The following PIK3R1 variants were observed in gnomAD, a reference collection of about 807,000 sequenced individuals.
The protein encoded by PIK3R1 is phosphoinositide-3-kinase regulatory subunit 1.
Under a neutral mutation model 98.0 loss-of-function variants are expected in PIK3R1, and 29 were observed. The observed-to-expected ratio is 0.30, with a 90% CI of 0.22 to 0.40. PIK3R1 has a LOEUF of 0.40. Ranked by LOEUF, PIK3R1 falls within the 10% of genes least tolerant of loss-of-function variation. PIK3R1 has a pLI of 1.00. For missense variants in PIK3R1, 596 were observed against 872.7 expected, an observed-to-expected ratio of 0.68 and a Z score of 3.99; for synonymous variants, 282 against 311.8, an observed-to-expected ratio of 0.90 and a Z score of 1.01.
chr5:68,288,675 G>A (rs577876337), intron 7 of PIK3R1: 3 of 1,611,020 alleles, frequency 1.9e-6, no homozygotes, highest in African/African-American at 2.7e-5. Flanking sequence ...TGGAAGAACA[G>A]CTTTGGGGAT....
chr5:68,266,660 A>G (rs1034410619), intron 2 of PIK3R1, among the ~76,000 whole-genome samples: 2 of 152,182 alleles, frequency 1.3e-5, no homozygotes, highest in African/African-American at 2.4e-5. Context: ...GTGTTGGGAA[A>G]CTTACTATAA....
intron 2 of PIK3R1, among the ~76,000 whole-genome samples, chr5:68,267,769 TGTG>T (rs3049952): frequency 0.33 from 50,204 of 151,828 alleles, 9,807 homozygotes; most frequent in African/African-American, 0.56. Context: ...ATATTAGTAT[TGTG>T]GTCCTTTTGG....
chr5:68,280,280 A>C (rs1187037994), intron 5 of PIK3R1: 1 of 529,560 alleles, frequency 1.9e-6, no homozygotes, highest in African/African-American at 1.9e-5. Context: ...TGCTGCCAGC[A>C]CACCCTGAAC....
At position 68,298,911 on chromosome 5, in the gene PIK3R1, G is replaced by A; in HGVS notation, c.*1310G>A. On this transcript the variant is annotated 3_prime_UTR_variant, in exon 16 of 16. Transcript: ENST00000521381. ...AGGGATGTATCAAGTGGGGTGGTGGGAGGGGGAGGCAAGGTTATATGCACT... is the reference window on the plus strand; with the variant it reads ...AGGGATGTATCAAGTGGGGTGGTGGAAGGGGGAGGCAAGGTTATATGCACT... The A allele has an allele frequency of 4.3e-6, 1 of 232,522 alleles. No homozygotes were observed. The highest frequency in any genetic ancestry group is 2.2e-5 in the African/African-American group (1 of 45,242). The allele number at this position is 232,522 out of a possible 1,614,324, so 14.4% of individuals were successfully genotyped here.
At chr5:68,230,672 T>C (rs1161625348) in intron 2 of PIK3R1, among the ~76,000 whole-genome samples, 2 of 152,194 alleles carry the variant, frequency 1.3e-5, no homozygotes, top group Non-Finnish European at 2.9e-5. Flanking sequence ...TGATAGTACC[T>C]TCAGTCACTT....
At position 68,226,542 on chromosome 5, in the gene PIK3R1, G is replaced by A; in HGVS notation, c.-134G>A. 1 of 689,472 alleles carries A rather than the reference G, an allele frequency of 1.5e-6. No homozygotes were observed. Among genetic ancestry groups the A allele is most frequent in the Non-Finnish European group, 2.4e-6 (1 of 410,938 alleles). The allele number at this position is 689,472 out of a possible 1,614,324, so 42.7% of individuals were successfully genotyped here. ...ACCTCTCCTCTTAAACCTTTGGAGA[G>A]TGGTCCTTTGTCCTCTGCTGGACAC... On this transcript the variant is annotated 5_prime_UTR_variant, in exon 2 of 16. The change creates a new upstream start codon in the 5' untranslated region. Transcript: ENST00000521381.
At chr5:68,251,793 G>A (rs1488627998) in intron 2 of PIK3R1, among the ~76,000 whole-genome samples, 2 of 152,192 alleles carry the variant, frequency 1.3e-5, no homozygotes, top group Non-Finnish European at 2.9e-5. Context: ...AAATCACACA[G>A]TTGACTGCAT....
intron 6 of PIK3R1, 28 bp from the exon 7 acceptor site, chr5:68,280,899 G>A: frequency 6.7e-7 from 1 of 1,487,306 alleles, no homozygotes; most frequent in Non-Finnish European, 9.2e-7. Flanking sequence ...TTAGGGAAAA[G>A]GTTTCTAATA....
intron 2 of PIK3R1, among the ~76,000 whole-genome samples, chr5:68,259,814 C>T (rs1745666641): frequency 6.6e-6 from 1 of 152,110 alleles, no homozygotes; most frequent in African/African-American, 2.4e-5. Context: ...CCCTATGGGA[C>T]CTCATGGGAT....
At chr5:68,295,819 CTTTG>C (rs1368928540) in intron 14 of PIK3R1, 1 of 455,194 alleles carries the variant, frequency 2.2e-6, no homozygotes, top group African/African-American at 1.9e-5. Flanking sequence ...TAAGTATATA[CTTTG>C]TTTGAATTAG....
At chr5:68,292,763 G>A in intron 8 of PIK3R1, 1 of 1,264,638 alleles carries the variant, frequency 7.9e-7, no homozygotes, top group Non-Finnish European at 1.0e-6. Context: ...ATGAGTTTCT[G>A]TGCTCATTTG....
intron 2 of PIK3R1, among the ~76,000 whole-genome samples, chr5:68,235,401 AAAATAAATAAATAAATAAATAAAT>A (rs145734363): frequency 6.9e-6 from 1 of 145,322 alleles, no homozygotes; most frequent in Non-Finnish European, 1.5e-5. Context: ...AAAGTGTCTC[AAAATAAATAAATAAATAAATAAAT>A]AAATAAATAA....
At chr5:68,234,864 C>T (rs79497469) in intron 2 of PIK3R1, among the ~76,000 whole-genome samples, 2,359 of 152,256 alleles carry the variant, frequency 0.015, 68 homozygotes, top group African/African-American at 0.054. Context: ...GGGGTTGTCA[C>T]TGTCATCTTC....
In PIK3R1 at chr5:68,298,148, A is replaced by T. The variant is rs1405142337; in HGVS notation, c.*547A>T. 4.3e-6 allele frequency: 1 copy of T among 231,488 alleles called. No homozygotes were observed. Among genetic ancestry groups the T allele is most frequent in the African/African-American group, 2.2e-5 (1 of 45,244 alleles). The allele number at this position is 231,488 out of a possible 1,614,324, so 14.3% of individuals were successfully genotyped here. A position where few individuals can be genotyped will look rare whatever the true frequency, so the allele number is the denominator to read the frequency against. ...ATGTAGCAGAAAGGCACGTCCACTC[A>T]CAAGGGACGCTTTGGGAGAATGTCA... On this transcript the variant is annotated 3_prime_UTR_variant, in exon 16 of 16. Coordinates refer to ENST00000521381, the MANE Select transcript of PIK3R1 (RefSeq NM_181523.3).
chr5:68,216,609 G>A (rs764519587), intron 1 of PIK3R1, among the ~76,000 whole-genome samples: 63 of 151,908 alleles, frequency 4.1e-4, no homozygotes, highest in Non-Finnish European at 7.8e-4. Flanking sequence ...GCAGGTTGTT[G>A]GAGGCATATT....
At chr5:68,223,017 T>C (rs769608472) in intron 1 of PIK3R1, among the ~76,000 whole-genome samples, 2 of 151,158 alleles carry the variant, frequency 1.3e-5, no homozygotes, top group Non-Finnish European at 2.9e-5. Context: ...CACACATACA[T>C]ATATGACTAT....
intron 2 of PIK3R1, among the ~76,000 whole-genome samples, chr5:68,262,480 ATATC>A (rs1303796125): frequency 3.4e-5 from 5 of 146,068 alleles, no homozygotes; most frequent in Admixed American, 6.8e-5. Context: ...ATGTACATAT[ATATC>A]TATATGTATA....
chr5:68,272,271 GA>G (rs1746396232), intron 2 of PIK3R1, among the ~76,000 whole-genome samples: 1 of 134,562 alleles, frequency 7.4e-6, no homozygotes, highest in Admixed American at 7.3e-5. Context: ...AAAAAAAAAA[GA>G]AAAAGGAAAT....
At chr5:68,220,958 C>T (rs1386516448) in intron 1 of PIK3R1, among the ~76,000 whole-genome samples, 1 of 152,180 alleles carries the variant, frequency 6.6e-6, no homozygotes, top group Non-Finnish European at 1.5e-5. Context: ...AATGTAATCC[C>T]TAATGCAACT....
Sources: allele counts gnomAD v4.1 joint callset (sites outside exome capture counted in the v4.1 genomes callset), GRCh38; gene constraint gnomAD v4.1.1; transcripts MANE v1.5; gene names NCBI Gene and HGNC (gene_info 2026-07-23, HGNC 2026-07-21).